AGAP1: variants seen among roughly 807,000 people sequenced by gnomAD.
The protein encoded by AGAP1 is ArfGAP with GTPase domain, ankyrin repeat and PH domain 1, also known as arf-GAP with GTPase, ANK repeat and PH domain-containing protein 1.
AGAP1 carries 29 observed loss-of-function variants against 105.3 expected under a neutral mutation model. That is an observed-to-expected ratio of 0.28 (90% CI 0.21 to 0.38). AGAP1 has a LOEUF of 0.38. Ranked by LOEUF, AGAP1 falls within the 10% of genes least tolerant of loss-of-function variation. AGAP1 has a pLI of 1.00. For synonymous variants in AGAP1, 509 were observed against 485.9 expected (o/e 1.05, Z -0.63); for missense variants, 998 against 1,165.1 (o/e 0.86, Z 2.09).
At position 235,977,860 on chromosome 2, in the gene AGAP1, A is replaced by G. The variant is rs534032154; in HGVS notation, c.1645+9237A>G. On this transcript the variant is annotated intron_variant, in intron 13 of 17. Coordinates refer to ENST00000304032, the MANE Select transcript of AGAP1 (RefSeq NM_001037131.3). The surrounding 1 kb of genome is among the most constrained non-coding windows in gnomAD (Gnocchi z 5.2). Reference sequence around the variant, plus strand: ...ACCGTTTGTCTTAGCTCAGCCTGCCATATCAAAATGCCACAGACTGGGGGC... The same window carrying G: ...ACCGTTTGTCTTAGCTCAGCCTGCCGTATCAAAATGCCACAGACTGGGGGC... Among the ~76,000 whole-genome samples, 3 of 152,308 alleles carry G rather than the reference A, an allele frequency of 2.0e-5. No homozygotes were observed. In the East Asian group the frequency reaches 5.8e-4, roughly 29 times the overall value.
chr2:236,124,862 C>A lies in AGAP1; in HGVS notation c.*740C>A, dbSNP rs967924269. ...ATTATCCCAGACATGTTCTTTCAAG[C>A]CCTTGGAGCCCTCTCTAAATTCACT... On this transcript the variant is annotated 3_prime_UTR_variant, in exon 18 of 18. Transcript: ENST00000304032. The surrounding 1 kb of genome is among the most constrained non-coding windows in gnomAD (Gnocchi z 5.1). The A allele has an allele frequency of 6.5e-6, 1 of 153,412 alleles. No homozygotes were observed. 9.5% of individuals were successfully genotyped at this position (153,412 alleles called of 1,614,324 possible).
intron 9 of AGAP1, among the ~76,000 whole-genome samples, chr2:235,834,843 C>G (rs1332286943): frequency 6.6e-6 from 1 of 152,156 alleles, no homozygotes; most frequent in Non-Finnish European, 1.5e-5. Flanking sequence ...AGGCTCGGGT[C>G]TAGTGGTGGA....
intron 9 of AGAP1, among the ~76,000 whole-genome samples, chr2:235,846,363 A>G (rs569976273): frequency 1.2e-3 from 180 of 152,244 alleles, no homozygotes; most frequent in African/African-American, 4.2e-3. Context: ...TCACTCTGTC[A>G]CCCAGGCTGG....
chr2:235,804,375 A>G (rs776089036), intron 8 of AGAP1, among the ~76,000 whole-genome samples: 16 of 152,268 alleles, frequency 1.1e-4, no homozygotes, highest in Non-Finnish European at 2.2e-4. Flanking sequence ...GATTGTGAAT[A>G]TACATTGCCC....
At chr2:235,776,723 C>T (rs1355034916) in intron 6 of AGAP1, among the ~76,000 whole-genome samples, 1 of 152,190 alleles carries the variant, frequency 6.6e-6, no homozygotes, top group African/African-American at 2.4e-5. Context: ...GGAGGGCCCT[C>T]CCCCTTCCCC....
chr2:235,679,001 C>T (rs771287965), intron 1 of AGAP1, among the ~76,000 whole-genome samples: 11 of 152,186 alleles, frequency 7.2e-5, no homozygotes, highest in Non-Finnish European at 1.5e-4. Flanking sequence ...TGTGCACAGC[C>T]AGCCTTGACT....
intron 16 of AGAP1, among the ~76,000 whole-genome samples, chr2:236,098,696 G>A (rs2059257882): frequency 6.9e-6 from 1 of 145,364 alleles, no homozygotes; most frequent in South Asian, 2.2e-4. Flanking sequence ...ACAAACATAG[G>A]TCACTGCCGC....
intron 1 of AGAP1, among the ~76,000 whole-genome samples, chr2:235,585,610 C>G (rs1407089004): frequency 1.3e-5 from 2 of 152,134 alleles, no homozygotes; most frequent in East Asian, 3.9e-4. Context: ...CATTTTGATC[C>G]TTACATCATC....
Position 235,621,146 on chromosome 2 carries a change from G to A in AGAP1, c.164-88033G>A, listed in dbSNP as rs955510696. Among the ~76,000 whole-genome samples, 5 of 152,026 alleles carry A rather than the reference G, an allele frequency of 3.3e-5. No homozygotes were observed. The highest frequency in any genetic ancestry group is 7.4e-5 in the Non-Finnish European group (5 of 67,996). ...AAGCAATTCTCCTGCCTTGGCCTCC[G>A]GAGGAGCTGAGACTACAGGCGCCCG... On this transcript the variant is annotated intron_variant, in intron 1 of 17. Coordinates refer to ENST00000304032, the MANE Select transcript of AGAP1 (RefSeq NM_001037131.3). This position sits in a 1 kb window ranked among gnomAD's most constrained non-coding sequence, Gnocchi z 4.1.
chr2:235,544,373 T>A (rs535867810), intron 1 of AGAP1, among the ~76,000 whole-genome samples: 1 of 152,306 alleles, frequency 6.6e-6, no homozygotes, highest in Admixed American at 6.5e-5. Flanking sequence ...CCGCAGGGAC[T>A]GGCTTTCTTC....
At chr2:235,695,704 G>T (rs958904756) in intron 1 of AGAP1, among the ~76,000 whole-genome samples, 11 of 152,172 alleles carry the variant, frequency 7.2e-5, no homozygotes, top group African/African-American at 2.7e-4. Context: ...CGGGCGCAGT[G>T]GGGGCACTTT....
chr2:235,892,188 A>G (rs896063563), intron 10 of AGAP1, among the ~76,000 whole-genome samples: 1 of 151,512 alleles, frequency 6.6e-6, no homozygotes, highest in Non-Finnish European at 1.5e-5. Flanking sequence ...ATTCCTTTCC[A>G]TTCTGCATGT....
chr2:235,798,832 C>T (rs1957359919), intron 7 of AGAP1, among the ~76,000 whole-genome samples: 1 of 139,034 alleles, frequency 7.2e-6, no homozygotes, highest in Admixed American at 7.8e-5. Flanking sequence ...GATTGTGCCA[C>T]TGCATTCCAG....
chr2:236,066,571 A>T (rs2058351639), intron 16 of AGAP1, among the ~76,000 whole-genome samples: 1 of 152,220 alleles, frequency 6.6e-6, no homozygotes, highest in South Asian at 2.1e-4. Context: ...TCCCAGTATC[A>T]TGCCATTCTT....
At position 235,700,841 on chromosome 2, in the gene AGAP1, A is replaced by G. The variant is rs116121295; in HGVS notation, c.164-8338A>G. On this transcript the variant is annotated intron_variant, in intron 1 of 17. Transcript: ENST00000304032. The surrounding 1 kb of genome is among the most constrained non-coding windows in gnomAD (Gnocchi z 6.1). ...TCTCTGTGTATATATAGTATATATT[A>G]TATATGTATATATTGTATACTCTAC... Among the ~76,000 whole-genome samples the G allele has an allele frequency of 0.029, 4,249 of 148,260 alleles. 215 individuals are homozygous for G. Among genetic ancestry groups the G allele is most frequent in the African/African-American group, 0.099 (4,023 of 40,672 alleles).
intron 9 of AGAP1, among the ~76,000 whole-genome samples, chr2:235,818,709 C>A (rs1318261270): frequency 6.6e-6 from 1 of 152,228 alleles, no homozygotes; most frequent in Admixed American, 6.5e-5. Flanking sequence ...TCCTAAGTAG[C>A]TGGGATTACA....
intron 3 of AGAP1, among the ~76,000 whole-genome samples, chr2:235,731,623 C>G (rs1206544321): frequency 3.9e-5 from 6 of 152,262 alleles, no homozygotes; most frequent in African/African-American, 1.4e-4. Context: ...CAGAGCTCTC[C>G]ATGTGTGAGT....
At chr2:235,852,779 AG>A in intron 9 of AGAP1, 1 of 1,516,246 alleles carries the variant, frequency 6.6e-7, no homozygotes, top group Non-Finnish European at 8.9e-7. Context: ...GCCAGGGCCG[AG>A]GGGTGGTCAG....
intron 16 of AGAP1, among the ~76,000 whole-genome samples, chr2:236,111,664 C>T (rs999486692): frequency 1.3e-5 from 2 of 151,866 alleles, no homozygotes; most frequent in African/African-American, 4.8e-5. Context: ...TGGTGGTATA[C>T]ACCTGTATTC....
Sources: gnomAD v4.1 joint callset for allele counts (sites outside exome capture counted in the v4.1 genomes callset) on GRCh38, gnomAD v4.1.1 for gene constraint, Gnocchi (gnomAD v3.1) non-coding constraint, MANE v1.5 for transcripts, NCBI Gene and HGNC (gene_info 2026-07-23, HGNC 2026-07-21) for gene names.